TRA2B: variants seen among roughly 807,000 people sequenced by gnomAD.
TRA2B encodes the protein transformer 2 beta homolog, also known as transformer-2 protein homolog beta.
TRA2B carries 14 observed loss-of-function variants against 41.7 expected under a neutral mutation model. The ratio of observed to expected loss-of-function variants is 0.34; its 90% confidence interval spans 0.22 to 0.53. TRA2B has a LOEUF of 0.53. Ranked by LOEUF, TRA2B falls within the 20% of genes least tolerant of loss-of-function variation. The pLI is 0.95. For missense variants in TRA2B, 167 were observed against 396.8 expected (o/e 0.42, Z 4.92); for synonymous variants, 130 against 128.8 (o/e 1.01, Z -0.06).
chr3:185,926,868 T>C (rs1743972678), intron 1 of TRA2B, 134 bp from the exon 2 acceptor site: 4 of 989,092 alleles, frequency 4.0e-6, no homozygotes, highest in East Asian at 2.7e-5. Flanking sequence ...GGGCAGGAAC[T>C]GAATATACCT....
At position 185,919,505 on chromosome 3, in the gene TRA2B, A is replaced by G. The variant is rs757726699; in HGVS notation, c.723-9T>C. On this transcript the variant is annotated splice_polypyrimidine_tract_variant and intron_variant, in intron 6 of 8. Coordinates refer to ENST00000453386, the MANE Select transcript of TRA2B (RefSeq NM_004593.3). ...CTCCTCCACCTCCTCCTCTGTGAAG[A>G]CAGAAAGGCAACACAACACGCATTC... The G allele has an allele frequency of 1.2e-6, 2 of 1,609,198 alleles. No homozygotes were observed. Among genetic ancestry groups the G allele is most frequent in the East Asian group, 4.5e-5 (2 of 44,820 alleles).
At position 185,924,078 on chromosome 3, in the gene TRA2B, A is replaced by G. The variant is rs557518531; in HGVS notation, c.334-94T>C. 9.3e-5 allele frequency: 101 copies of G among 1,084,310 alleles called. No individual in the cohort carries two copies. In the African/African-American group the frequency reaches 1.4e-3, roughly 15 times the overall value. The allele number at this position is 1,084,310 out of a possible 1,614,324, so 67.2% of individuals were successfully genotyped here. A position where few individuals can be genotyped will look rare whatever the true frequency, so the allele number is the denominator to read the frequency against. ...CTGTATACTAGCCAAAATGTCACTAACAAGAAAAGTACATAATGATTAGAC... is the reference window on the plus strand; with the variant it reads ...CTGTATACTAGCCAAAATGTCACTAGCAAGAAAAGTACATAATGATTAGAC... On this transcript the variant is annotated intron_variant, in intron 3 of 8. Transcript: ENST00000453386.
chr3:185,915,878 G>A lies in TRA2B; in HGVS notation c.*1837C>T, dbSNP rs559208488. On this transcript the variant is annotated 3_prime_UTR_variant, in exon 9 of 9. Transcript: ENST00000453386. The stretch of plus-strand genomic sequence containing the variant: ...GGAGAATGTAGTTACTTCAGGAAAG[G>A]ATGCCTGTATATACTACCACGATAA... 28 of 152,240 alleles carry A rather than the reference G, an allele frequency of 1.8e-4. No homozygotes were observed. The highest frequency in any genetic ancestry group is 6.3e-4 in the African/African-American group (26 of 41,546). 9.4% of individuals were successfully genotyped at this position (152,240 alleles called of 1,614,324 possible).
rs1356861726 is a variant in TRA2B at position 185,919,582 on chromosome 3, T to TA, written c.723-87_723-86insT. The TA allele has an allele frequency of 1.5e-5, 17 of 1,132,898 alleles. No homozygotes were observed. In the African/African-American group the frequency reaches 2.2e-4, roughly 15 times the overall value. The allele number at this position is 1,132,898 out of a possible 1,614,324, so 70.2% of individuals were successfully genotyped here. A position where few individuals can be genotyped will look rare whatever the true frequency, so the allele number is the denominator to read the frequency against. On this transcript the variant is annotated intron_variant, in intron 6 of 8. Coordinates refer to ENST00000453386, the MANE Select transcript of TRA2B (RefSeq NM_004593.3). ...CATTCATTTAGTAAAATAAAAACTT[T>TA]CATAGAGCATGAATGAGATGTTTCT...
rs370590073 is a variant in TRA2B, at chr3:185,921,627, T to C, written c.638+384A>G. ...AAAATGCAAAAAATTAGCCGGACGT[T>C]GCGACACGCGCCTGTAGTCCCAGCT... On this transcript the variant is annotated intron_variant, in intron 5 of 8. Coordinates refer to ENST00000453386, the MANE Select transcript of TRA2B (RefSeq NM_004593.3). Among the ~76,000 whole-genome samples the C allele has an allele frequency of 1.6e-4, 24 of 152,066 alleles. No homozygotes were observed. The East Asian group carries it at 1.9e-3, about 12-fold the overall frequency.
At position 185,915,539 on chromosome 3, in the gene TRA2B, C is replaced by A. The variant is rs536066295; in HGVS notation, c.*2176G>T. ...ATTACAGCACATCAAAAGACTACCA[C>A]TTTGTCTCACTACTTCTCAGTCTAT... On this transcript the variant is annotated 3_prime_UTR_variant, in exon 9 of 9. Transcript: ENST00000453386. Among the ~76,000 whole-genome samples, 5 of 152,222 alleles carry A rather than the reference C, an allele frequency of 3.3e-5. No individual in the cohort carries two copies. Among genetic ancestry groups the A allele is most frequent in the Non-Finnish European group, 7.3e-5 (5 of 68,038 alleles).
At chr3:185,925,291 G>T in intron 3 of TRA2B, 173 bp downstream of exon 3, 9 of 676,100 alleles carry the variant, frequency 1.3e-5, no homozygotes, top group Admixed American at 3.3e-5. Context: ...CAGCCCAAAT[G>T]CAGACCCCGT....
intron 1 of TRA2B, chr3:185,935,686 A>T: frequency 2.0e-6 from 2 of 985,454 alleles, no homozygotes; most frequent in Non-Finnish European, 1.2e-6. Flanking sequence ...TTTACACCAC[A>T]GGCATGTCTA....
intron 1 of TRA2B, chr3:185,934,534 C>T (rs1401102012): frequency 1.0e-6 from 1 of 985,218 alleles, no homozygotes; most frequent in Non-Finnish European, 1.2e-6. Context: ...AAAAATATTT[C>T]AACCGGGTTT....
Position 185,936,851 on chromosome 3 carries a change from G to C in TRA2B, c.36+974C>G, listed in dbSNP as rs956242526. ...AGAGCCCCACAGACCAGCTACGTATGCTGTTTAAACCCTAGAACTGTCTTG... is the reference window on the plus strand; with the variant it reads ...AGAGCCCCACAGACCAGCTACGTATCCTGTTTAAACCCTAGAACTGTCTTG... On this transcript the variant is annotated intron_variant, in intron 1 of 8. Coordinates refer to ENST00000453386, the MANE Select transcript of TRA2B (RefSeq NM_004593.3). 6.6e-5 allele frequency: 65 copies of C among 985,298 alleles called. No individual in the cohort carries two copies. The Admixed American group carries it at 3.9e-3, about 59-fold the overall frequency. 61.0% of individuals were successfully genotyped at this position (985,298 alleles called of 1,614,324 possible). A position where few individuals can be genotyped will look rare whatever the true frequency, so the allele number is the denominator to read the frequency against.
At position 185,916,702 on chromosome 3, in the gene TRA2B, T is replaced by C. The variant is rs1403979452; in HGVS notation, c.*1013A>G. On this transcript the variant is annotated 3_prime_UTR_variant, in exon 9 of 9. Transcript: ENST00000453386. ...TTAAACTACAGAAGAACTCTAATTA[T>C]AATAGAACAAGAACACTTCTTTGTG... 1 of 152,604 alleles carries C rather than the reference T, an allele frequency of 6.6e-6. No homozygotes were observed. The highest frequency in any genetic ancestry group is 1.5e-5 in the Non-Finnish European group (1 of 68,040). 9.5% of individuals were successfully genotyped at this position (152,604 alleles called of 1,614,324 possible).
Position 185,925,604 on chromosome 3 carries a change from G to T in TRA2B, c.193C>A (p.Arg65=), listed in dbSNP as rs748903549. The change falls in exon 3 of 9, where the codon CGA becomes AGA. Residue 65 remains arginine, a synonymous_variant. Transcript: ENST00000453386. ...GACCGTGACCGGGTATAATGCCTTC[G>T]GGAGCTTCTTCTGGATCTAGACCTG... ...ESRSRSRRSS[R]RHYTRSRSRS... The T allele has an allele frequency of 1.9e-6, 3 of 1,613,694 alleles. No individual in the cohort carries two copies. Among genetic ancestry groups the T allele is most frequent in the Non-Finnish European group, 2.5e-6 (3 of 1,179,834 alleles).
intron 1 of TRA2B, chr3:185,931,932 A>AT: frequency 1.9e-6 from 2 of 1,076,228 alleles, no homozygotes; most frequent in Non-Finnish European, 2.4e-6. Context: ...ACTAGAAAAA[A>AT]AAAATCCCTT....
At chr3:185,933,524 A>C (rs1346235603) in intron 1 of TRA2B, among the ~76,000 whole-genome samples, 1 of 152,182 alleles carries the variant, frequency 6.6e-6, no homozygotes, top group East Asian at 1.9e-4. Flanking sequence ...TTTAACATTA[A>C]ACATGCACAA....
rs760437885 is a variant in TRA2B at position 185,921,195 on chromosome 3, G to GA, written c.639-9dup. 3 of 1,613,530 alleles carry GA rather than the reference G, an allele frequency of 1.9e-6. No individual in the cohort carries two copies. Among genetic ancestry groups the GA allele is most frequent in the South Asian group, 1.1e-5 (1 of 91,072 alleles). ...CGACGGCGAGAGCTGCCACTATGAAGAAAAAAATATTCAGGTGACCTCCCT... is the reference window on the plus strand; with the variant it reads ...CGACGGCGAGAGCTGCCACTATGAAGAAAAAAAATATTCAGGTGACCTCCCT... On this transcript the variant is annotated splice_polypyrimidine_tract_variant and intron_variant, in intron 5 of 8. Coordinates refer to ENST00000453386, the MANE Select transcript of TRA2B (RefSeq NM_004593.3).
At chr3:185,918,620 G>A (rs1292349527) in intron 7 of TRA2B, among the ~76,000 whole-genome samples, 182 bp from the exon 8 acceptor site, 1 of 152,124 alleles carries the variant, frequency 6.6e-6, no homozygotes, top group African/African-American at 2.4e-5. Context: ...TGTCAAATAA[G>A]CACTCTTAAT....
chr3:185,934,426 T>TA, intron 1 of TRA2B: 2 of 985,428 alleles, frequency 2.0e-6, no homozygotes, highest in Non-Finnish European at 2.4e-6. Context: ...CAGTAGTACT[T>TA]ACCTTATAAA....
At chr3:185,921,968 A>G (rs752278755) in intron 5 of TRA2B, 43 bp downstream of exon 5, 3 of 1,460,794 alleles carry the variant, frequency 2.1e-6, no homozygotes, top group Non-Finnish European at 9.5e-7. Context: ...TTCTTTGACA[A>G]GTGAAAAACT....
At chr3:185,919,743 T>C (rs1455335369) in intron 6 of TRA2B, among the ~76,000 whole-genome samples, 2 of 151,444 alleles carry the variant, frequency 1.3e-5, no homozygotes, top group East Asian at 3.9e-4. Flanking sequence ...AAGAAAAAAA[T>C]CTCAGCCCCA....
Sources: allele counts gnomAD v4.1 joint callset (sites outside exome capture counted in the v4.1 genomes callset), GRCh38; gene constraint gnomAD v4.1.1; transcripts MANE v1.5; gene names NCBI Gene and HGNC (gene_info 2026-07-23, HGNC 2026-07-21).